Variants in USP9X observed in about 807,000 individuals in gnomAD.
USP9X encodes the protein ubiquitin carboxyl-terminal hydrolase 9X.
In USP9X, 7 loss-of-function variants were observed where a neutral mutation model predicts 190.3. That is an observed-to-expected ratio of 0.04 (90% confidence interval 0.02 to 0.07). USP9X has a LOEUF of 0.07. Among genes scored for constraint, USP9X ranks in the 10% least tolerant of loss-of-function variants. USP9X has a pLI of 1.00. For synonymous variants in USP9X, 645 were observed against 659.5 expected, an observed-to-expected ratio of 0.98 and a Z score of 0.34; for missense variants, 1,010 against 1,916.9, an observed-to-expected ratio of 0.53 and a Z score of 8.83.
chrX:41,163,917 G>A (rs978913237), intron 15 of USP9X, among the ~76,000 whole-genome samples: 16 of 106,906 alleles, frequency 1.5e-4, no homozygotes, highest in African/African-American at 5.5e-4. Flanking sequence ...TCACTCTGTC[G>A]CCAGGCTGAA....
rs1174582313 is a variant in USP9X at position 41,170,021 on chromosome X, T to A, written c.2663T>A (p.Phe888Tyr). 1 of 1,209,946 alleles carries A rather than the reference T, an allele frequency of 8.3e-7. No homozygotes were observed. The highest frequency in any genetic ancestry group is 1.8e-5 in the African/African-American group (1 of 57,135). ...SRAFRGKHLS[F>Y]VVRFPNQGRQ... ...GCATTCCGCGGTAAACACCTCTCTT[T>A]TGTAGTTCGATTTCCAAACCAGGGC... The change falls in exon 19 of 45, where the codon TTT (phenylalanine) becomes TAT (tyrosine). Residue 888 changes from phenylalanine (F) to tyrosine (Y), a missense_variant. Phe to Tyr is a conservative substitution (Grantham distance 22). Coordinates refer to ENST00000378308, the MANE Select transcript of USP9X (RefSeq NM_001039591.3).
At chrX:41,132,295 A>ATTTTT (rs11356870) in intron 4 of USP9X, among the ~76,000 whole-genome samples, 3 of 54,590 alleles carry the variant, frequency 5.5e-5, no homozygotes, top group East Asian at 4.6e-4. Flanking sequence ...ATGCCCACTA[A>ATTTTT]TTTTTTTTTT....
chrX:41,098,528 G>T (rs894332961), intron 1 of USP9X, among the ~76,000 whole-genome samples: 2 of 109,712 alleles, frequency 1.8e-5, no homozygotes, highest in Non-Finnish European at 3.8e-5. Flanking sequence ...TCTGGCTGCT[G>T]TTGCTCAATA....
intron 1 of USP9X, among the ~76,000 whole-genome samples, chrX:41,113,346 A>C (rs2062123525): frequency 9.0e-6 from 1 of 110,613 alleles, no homozygotes; most frequent in Non-Finnish European, 1.9e-5. Context: ...GACTTCAGGC[A>C]CCTGCCACCA....
At chrX:41,153,593 A>T (rs1473026484) in intron 14 of USP9X, among the ~76,000 whole-genome samples, 1 of 112,172 alleles carries the variant, frequency 8.9e-6, no homozygotes, top group Admixed American at 9.5e-5. Flanking sequence ...CATGTTTAGG[A>T]TAAAGTTTCC....
intron 1 of USP9X, among the ~76,000 whole-genome samples, chrX:41,117,701 C>A (rs2062160613): frequency 9.4e-6 from 1 of 106,614 alleles, no homozygotes; most frequent in Admixed American, 1.0e-4. Context: ...CCTCAGCCTC[C>A]CGAGTAGCTG....
chrX:41,164,890 G>A (rs1005233939), intron 15 of USP9X, among the ~76,000 whole-genome samples: 5 of 111,821 alleles, frequency 4.5e-5, no homozygotes, highest in Non-Finnish European at 9.4e-5. Flanking sequence ...GAAGATTTCT[G>A]AACAAGCAGT....
chrX:41,165,831 ATTACATAAAT>A, intron 15 of USP9X, 31 bp from the exon 16 acceptor site: 2 of 1,152,018 alleles, frequency 1.7e-6, no homozygotes, highest in Non-Finnish European at 2.4e-6. Context: ...CCGGATAAAA[ATTACATAAAT>A]CTAATTGCCA....
chrX:41,122,524 A>C (rs901988795), intron 1 of USP9X, among the ~76,000 whole-genome samples: 3 of 111,694 alleles, frequency 2.7e-5, no homozygotes, highest in African/African-American at 9.8e-5. Context: ...TCTTATGGGA[A>C]GGGGAGCACA....
At chrX:41,165,044 A>G (rs1014529072) in intron 15 of USP9X, among the ~76,000 whole-genome samples, 41 of 112,089 alleles carry the variant, frequency 3.7e-4, no homozygotes, top group African/African-American at 1.3e-3. Flanking sequence ...AAAAAATGGA[A>G]AACCTTTGAA....
At chrX:41,182,010 A>G (rs2062831491) in intron 21 of USP9X, among the ~76,000 whole-genome samples, 1 of 111,948 alleles carries the variant, frequency 8.9e-6, no homozygotes, top group African/African-American at 3.2e-5. Context: ...TGGAATGGCC[A>G]CTGAGTGTTA....
At chrX:41,160,198 A>G (rs1466935355) in intron 14 of USP9X, among the ~76,000 whole-genome samples, 1 of 109,527 alleles carries the variant, frequency 9.1e-6, no homozygotes, top group African/African-American at 3.3e-5. Context: ...TCAGCGGGAT[A>G]TTTGCCACCT....
intron 4 of USP9X, among the ~76,000 whole-genome samples, chrX:41,133,798 C>T (rs2062346249): frequency 8.9e-6 from 1 of 112,151 alleles, no homozygotes; most frequent in African/African-American, 3.2e-5. Context: ...CTAAATAATA[C>T]TCCATTGTGT....
chrX:41,133,008 A>T (rs1405815367), intron 4 of USP9X, among the ~76,000 whole-genome samples: 6 of 112,148 alleles, frequency 5.4e-5, no homozygotes, highest in Non-Finnish European at 1.1e-4. Flanking sequence ...TTGCAGATTA[A>T]AAAGCAGTAA....
Position 41,197,355 on chromosome X carries a change from C to CTT in USP9X, c.4234-7_4234-6dup. 1 of 981,929 alleles carries CTT rather than the reference C, an allele frequency of 1.0e-6. No homozygotes were observed. Among genetic ancestry groups the CTT allele is most frequent in the South Asian group, 3.1e-5 (1 of 32,483 alleles). 80.9% of individuals were successfully genotyped at this position (981,929 alleles called of 1,213,427 possible). On this transcript the variant is annotated splice_polypyrimidine_tract_variant and intron_variant, in intron 28 of 44. Coordinates refer to ENST00000378308, the MANE Select transcript of USP9X (RefSeq NM_001039591.3). ...TTCCCCCCCCCACCCCACCCCCCGC[C>CTT]TTTGGCAGGATGATGTTAAAAGAAC...
intron 14 of USP9X, among the ~76,000 whole-genome samples, chrX:41,161,056 T>C (rs1312332496): frequency 2.7e-5 from 3 of 111,151 alleles, no homozygotes; most frequent in Non-Finnish European, 5.7e-5. Context: ...AGAACAGTCC[T>C]GTACAACGAA....
At chrX:41,134,188 TTGA>T (rs1441598396) in intron 4 of USP9X, among the ~76,000 whole-genome samples, 1 of 112,223 alleles carries the variant, frequency 8.9e-6, no homozygotes, top group Non-Finnish European at 1.9e-5. Flanking sequence ...TCTGTACAAA[TTGA>T]ATAGTTTTTA....
chrX:41,185,925 T>A (rs111910717), intron 23 of USP9X, among the ~76,000 whole-genome samples: 14,533 of 110,227 alleles, frequency 0.13, 879 homozygotes, highest in East Asian at 0.22. Context: ...ATAATATTGT[T>A]GAAATATTTA....
intron 14 of USP9X, among the ~76,000 whole-genome samples, chrX:41,155,984 T>C (rs1054877406): frequency 8.9e-6 from 1 of 111,950 alleles, no homozygotes; most frequent in Non-Finnish European, 1.9e-5. Flanking sequence ...AAAATACTCA[T>C]GTAGACAAAA....
Sources: gnomAD v4.1 joint callset for allele counts (sites outside exome capture counted in the v4.1 genomes callset) on GRCh38, gnomAD v4.1.1 for gene constraint, MANE v1.5 for transcripts, NCBI Gene and HGNC (gene_info 2026-07-23, HGNC 2026-07-21) for gene names.